The following LDLRAD3 variants were observed in gnomAD, a reference collection of about 807,000 sequenced individuals.
The protein encoded by LDLRAD3 is low-density lipoprotein receptor class A domain-containing protein 3.
Under a neutral mutation model 29.4 loss-of-function variants are expected in LDLRAD3, and 20 were observed. That is an observed-to-expected ratio of 0.68 (90% CI 0.48 to 0.99). LDLRAD3 has a LOEUF of 0.99. Ranked by LOEUF, LDLRAD3 falls within the 50% of genes least tolerant of loss-of-function variation. The pLI, the probability that LDLRAD3 is intolerant of heterozygous loss-of-function variation, is 0.00. For missense variants in LDLRAD3, 420 were observed against 454.3 expected (o/e 0.92, Z 0.69); for synonymous variants, 157 against 192.7 (o/e 0.81, Z 1.53).
chr11:36,073,983 T>G (rs530367855), intron 2 of LDLRAD3, among the ~76,000 whole-genome samples: 1 of 152,290 alleles, frequency 6.6e-6, no homozygotes, highest in African/African-American at 2.4e-5. Flanking sequence ...AGTTTTCTTA[T>G]CTGTAAAATG....
chr11:36,200,361 G>A lies in LDLRAD3; in HGVS notation c.455-26724G>A, dbSNP rs115114375. The stretch of plus-strand genomic sequence containing the variant: ...ACTCCGGTGTTCCCTCTTCACTGGG[G>A]CGCTAATCCTAGCATGGGGGTCCCA... On this transcript the variant is annotated intron_variant, in intron 4 of 5. Transcript: ENST00000315571. Among the ~76,000 whole-genome samples, 364 of 152,128 alleles carry A rather than the reference G, an allele frequency of 2.4e-3. 4 individuals carry two copies. Among genetic ancestry groups the A allele is most frequent in the African/African-American group, 8.6e-3 (356 of 41,490 alleles).
chr11:36,052,028 G>A (rs184529659), intron 2 of LDLRAD3, among the ~76,000 whole-genome samples: 33 of 152,300 alleles, frequency 2.2e-4, no homozygotes, highest in African/African-American at 7.5e-4. Context: ...GCAGCCCAGG[G>A]GAGTCTGGTG....
intron 1 of LDLRAD3, among the ~76,000 whole-genome samples, chr11:36,013,551 T>C (rs1277753678): frequency 7.0e-6 from 1 of 142,838 alleles, no homozygotes; most frequent in African/African-American, 2.6e-5. Flanking sequence ...AGTGAGAACA[T>C]GTGGTGTTTG....
chr11:36,009,559 T>C (rs1483295235), intron 1 of LDLRAD3, among the ~76,000 whole-genome samples: 3 of 152,206 alleles, frequency 2.0e-5, no homozygotes, highest in Non-Finnish European at 4.4e-5. Flanking sequence ...ATTGGGAAGA[T>C]AAAATTAGAC....
chr11:36,025,568 T>C (rs1852154218), intron 1 of LDLRAD3, among the ~76,000 whole-genome samples: 1 of 151,918 alleles, frequency 6.6e-6, no homozygotes, highest in African/African-American at 2.4e-5. Flanking sequence ...TTTTGTATTT[T>C]TTAGTAGAGA....
At chr11:36,013,228 G>A (rs561825406) in intron 1 of LDLRAD3, among the ~76,000 whole-genome samples, 10 of 152,300 alleles carry the variant, frequency 6.6e-5, no homozygotes, top group African/African-American at 2.2e-4. Context: ...TATTAGCAGG[G>A]CTTCTTAGCC....
chr11:36,126,255 C>G (rs1001375676), intron 4 of LDLRAD3, among the ~76,000 whole-genome samples: 2 of 152,298 alleles, frequency 1.3e-5, no homozygotes, highest in Non-Finnish European at 1.5e-5. Context: ...GCTGGCCTCT[C>G]AAGGGCACTG....
intron 1 of LDLRAD3, among the ~76,000 whole-genome samples, chr11:35,960,373 C>G (rs1283508228): frequency 1.3e-5 from 2 of 152,186 alleles, no homozygotes; most frequent in African/African-American, 4.8e-5. Flanking sequence ...AGGACTTTCT[C>G]TATAATAATA....
chr11:36,125,048 C>CG (rs1195007153), intron 4 of LDLRAD3, among the ~76,000 whole-genome samples: 2 of 152,068 alleles, frequency 1.3e-5, no homozygotes, highest in Non-Finnish European at 2.9e-5. Context: ...CAAGGTCACC[C>CG]GTTCTACCTT....
In LDLRAD3 at chr11:35,970,335, C is replaced by A. The variant is rs556485631; in HGVS notation, c.46+26191C>A. ...TGTCTTTGTAATAAGAGGGGGTACA[C>A]AGACACTCACAGAGGGAAGATGGCC... On this transcript the variant is annotated intron_variant, in intron 1 of 5. Transcript: ENST00000315571. 4.7e-5 allele frequency among the ~76,000 whole-genome samples: 6 copies of A among 126,446 alleles called. 1 individual carries two copies. In the South Asian group the frequency reaches 1.7e-3, roughly 37 times the overall value. The allele number at this position is 126,446 out of a possible 152,430, so 83.0% of individuals were successfully genotyped here.
chr11:36,096,260 C>T (rs191809375), intron 3 of LDLRAD3, among the ~76,000 whole-genome samples: 10 of 152,336 alleles, frequency 6.6e-5, no homozygotes, highest in Admixed American at 6.5e-4. Flanking sequence ...TAACCAAGTC[C>T]TTGCAGCTGT....
At chr11:36,090,834 G>A (rs1025358858) in intron 3 of LDLRAD3, among the ~76,000 whole-genome samples, 3 of 152,178 alleles carry the variant, frequency 2.0e-5, no homozygotes, top group African/African-American at 7.2e-5. Flanking sequence ...TTCTGTCTTC[G>A]AGGGGGAAAG....
intron 3 of LDLRAD3, among the ~76,000 whole-genome samples, chr11:36,090,283 T>A (rs529319973): frequency 6.6e-5 from 10 of 152,228 alleles, no homozygotes; most frequent in Non-Finnish European, 1.5e-4. Flanking sequence ...AGGAAGAAGA[T>A]CACATGATGG....
chr11:36,080,920 CAG>C (rs1409279559), intron 2 of LDLRAD3, among the ~76,000 whole-genome samples: 4 of 152,130 alleles, frequency 2.6e-5, no homozygotes, highest in Admixed American at 1.3e-4. Flanking sequence ...GAATTTTTAT[CAG>C]GGGCTGATCA....
At chr11:36,032,767 G>A (rs994078283) in intron 1 of LDLRAD3, among the ~76,000 whole-genome samples, 2 of 152,144 alleles carry the variant, frequency 1.3e-5, no homozygotes, top group Non-Finnish European at 2.9e-5. Context: ...AGATAATGGC[G>A]GCTTGGATTG....
chr11:36,180,149 A>G (rs1031025312), intron 4 of LDLRAD3, among the ~76,000 whole-genome samples: 1 of 152,086 alleles, frequency 6.6e-6, no homozygotes, highest in Non-Finnish European at 1.5e-5. Flanking sequence ...GCCTCGGTAC[A>G]CTATCATTTT....
intron 4 of LDLRAD3, among the ~76,000 whole-genome samples, chr11:36,141,033 T>TCTCTCTCTCTCTCTCTCTCTCTCC (rs1347613872): frequency 6.8e-6 from 1 of 146,966 alleles, no homozygotes; most frequent in Non-Finnish European, 1.5e-5. Flanking sequence ...TCTCTCTCTC[T>TCTCTCTCTCTCTCTCTCTCTCTCC]CTCCGTGTGG....
chr11:36,157,728 T>C (rs1256432243), intron 4 of LDLRAD3, among the ~76,000 whole-genome samples: 4 of 152,212 alleles, frequency 2.6e-5, no homozygotes, highest in African/African-American at 4.8e-5. Context: ...AAGCAGGGTG[T>C]CTGTCTTTTG....
chr11:36,169,754 C>T (rs962494123), intron 4 of LDLRAD3, among the ~76,000 whole-genome samples: 10 of 152,186 alleles, frequency 6.6e-5, no homozygotes, highest in African/African-American at 2.4e-4. Context: ...GCTGCATAAG[C>T]ATGGGAGTGC....
Sources: gnomAD v4.1 joint callset for allele counts (sites outside exome capture counted in the v4.1 genomes callset) on GRCh38, gnomAD v4.1.1 for gene constraint, MANE v1.5 for transcripts, NCBI Gene and HGNC (gene_info 2026-07-23, HGNC 2026-07-21) for gene names.